FBXO4: variants seen among roughly 807,000 people sequenced by gnomAD.
The protein encoded by FBXO4 is F-box protein 4.
A neutral mutation model predicts 43.7 loss-of-function variants in FBXO4; 36 were observed. The observed-to-expected ratio is 0.82, with a 90% CI of 0.63 to 1.09. The LOEUF (loss-of-function observed/expected upper bound fraction) is 1.09, where lower values mean the gene tolerates loss of function less well. Ranked by LOEUF, FBXO4 falls within the 50% of genes least tolerant of loss-of-function variation. The pLI, the probability that FBXO4 is intolerant of heterozygous loss-of-function variation, is 0.00. For synonymous variants in FBXO4, 180 were observed against 165.6 expected (o/e 1.09, Z -0.67); for missense variants, 435 against 474.1 (o/e 0.92, Z 0.77).
At chr5:41,988,733 C>G in the FBXO4 span, among the ~76,000 whole-genome samples, 12 of 152,114 alleles carry the variant, frequency 7.9e-5, no homozygotes. Context: ...TCTCACTTCT[C>G]TTAGGATCTA....
Position 41,934,014 on chromosome 5 carries a change from A to G in FBXO4, c.715A>G (p.Thr239Ala). The change falls in exon 4 of 7, where the codon ACT becomes GCT. Residue 239 changes from threonine (T) to alanine (A), a missense_variant. By Grantham distance (58) the Thr-to-Ala change is moderately conservative (BLOSUM62 0). Transcript: ENST00000281623. ...HKFNILILYS[T>A]TRKERDRARE... Reference sequence around the variant, plus strand: ...ATTCAACATTCTAATCTTATATTCAACTACCAGGTAAGGCTACATACTTGG... The same window carrying G: ...ATTCAACATTCTAATCTTATATTCAGCTACCAGGTAAGGCTACATACTTGG... The G allele has an allele frequency of 6.2e-7, 1 of 1,613,770 alleles. No individual in the cohort carries two copies. The highest frequency in any genetic ancestry group is 1.1e-5 in the South Asian group (1 of 91,026).
At chr5:41,981,648 C>T in the FBXO4 span, among the ~76,000 whole-genome samples, 3 of 151,494 alleles carry the variant, frequency 2.0e-5, no homozygotes, top group Admixed American at 2.0e-4. Flanking sequence ...ACTGCTCAGC[C>T]TATGACATCC....
At chr5:41,993,334 AGTTACAT>A in the FBXO4 span, among the ~76,000 whole-genome samples, 3 of 152,148 alleles carry the variant, frequency 2.0e-5, no homozygotes, top group African/African-American at 4.8e-5. Flanking sequence ...GACAAATAAG[AGTTACAT>A]GTATTTAAAG....
intron 5 of FBXO4, among the ~76,000 whole-genome samples, chr5:41,938,335 C>T (rs1480525140): frequency 6.6e-6 from 1 of 151,992 alleles, no homozygotes; most frequent in African/African-American, 2.4e-5. Context: ...TATACTTCAA[C>T]AGCTACTAAA....
At chr5:41,939,374 T>TTTATTTTA in intron 5 of FBXO4, 67 bp from the exon 6 acceptor site, 1 of 1,416,826 alleles carries the variant, frequency 7.1e-7, no homozygotes, top group Non-Finnish European at 9.5e-7. Flanking sequence ...TTGTTAGTTT[T>TTTATTTTA]TTATTTTATT....
the FBXO4 span, among the ~76,000 whole-genome samples, chr5:41,958,166 G>A: frequency 7.6e-6 from 1 of 132,100 alleles, no homozygotes; most frequent in Non-Finnish European, 1.5e-5. Context: ...ACGGAGTCTC[G>A]CTCTGTCACC....
chr5:41,946,225 CAAAG>C, downstream of FBXO4, among the ~76,000 whole-genome samples: 1 of 152,294 alleles, frequency 6.6e-6, no homozygotes, highest in East Asian at 1.9e-4. Flanking sequence ...TGCCTGGGAA[CAAAG>C]AGAGAGCCCC....
intron 3 of FBXO4, among the ~76,000 whole-genome samples, chr5:41,932,243 A>G (rs921831644): frequency 1.3e-5 from 2 of 152,248 alleles, no homozygotes; most frequent in Non-Finnish European, 1.5e-5. Context: ...AAAGAAGGGC[A>G]GAACAGTATG....
At chr5:41,998,182 C>T in the FBXO4 span, among the ~76,000 whole-genome samples, 1 of 152,154 alleles carries the variant, frequency 6.6e-6, no homozygotes, top group Non-Finnish European at 1.5e-5. Context: ...CGATTGAGTG[C>T]CACCACTTGG....
At chr5:41,999,505 G>GTATATATATACACATATATATA in the FBXO4 span, among the ~76,000 whole-genome samples, 1 of 63,362 alleles carries the variant, frequency 1.6e-5, no homozygotes, top group African/African-American at 8.1e-5. Context: ...ATATATATAT[G>GTATATATATACACATATATATA]TGTATATATA....
chr5:41,980,463 A>G, the FBXO4 span, among the ~76,000 whole-genome samples: 1 of 152,168 alleles, frequency 6.6e-6, no homozygotes, highest in African/African-American at 2.4e-5. Flanking sequence ...GCACACTATC[A>G]CCAATTTATC....
chr5:42,016,243 C>T, the FBXO4 span, among the ~76,000 whole-genome samples: 1 of 152,174 alleles, frequency 6.6e-6, no homozygotes, highest in South Asian at 2.1e-4. Context: ...ACAGAGGTGG[C>T]ATGTTGCTCT....
At chr5:41,982,345 A>T in the FBXO4 span, among the ~76,000 whole-genome samples, 1 of 152,108 alleles carries the variant, frequency 6.6e-6, no homozygotes, top group Non-Finnish European at 1.5e-5. Flanking sequence ...ACAATGGTTG[A>T]ACTAGTTTAC....
At chr5:41,979,184 G>A in the FBXO4 span, among the ~76,000 whole-genome samples, 1 of 152,186 alleles carries the variant, frequency 6.6e-6, no homozygotes, top group Non-Finnish European at 1.5e-5. Context: ...GTGTGAATCT[G>A]CATAATACTG....
the FBXO4 span, among the ~76,000 whole-genome samples, chr5:42,015,307 C>G: frequency 2.0e-5 from 3 of 152,082 alleles, no homozygotes. Flanking sequence ...CACGCACATG[C>G]GCTTCAAACT....
At chr5:42,035,966 G>C in the FBXO4 span, among the ~76,000 whole-genome samples, 1 of 152,052 alleles carries the variant, frequency 6.6e-6, no homozygotes, top group Non-Finnish European at 1.5e-5. Flanking sequence ...GGTGACAGCA[G>C]TTCTACCCAC....
chr5:42,020,443 G>T, the FBXO4 span, among the ~76,000 whole-genome samples: 3 of 152,298 alleles, frequency 2.0e-5, no homozygotes, highest in Non-Finnish European at 4.4e-5. Flanking sequence ...AGGGTAACAT[G>T]ATAGAAACTG....
chr5:41,934,258 G>T lies in FBXO4; in HGVS notation c.848G>T (p.Cys283Phe), dbSNP rs1297967973. 2 of 1,614,162 alleles carry T rather than the reference G, an allele frequency of 1.2e-6. No individual in the cohort carries two copies. Residue 283 changes from cysteine to phenylalanine, a missense_variant, in exon 5 of 7, where the codon TGT becomes TTT. Cys to Phe is a radical substitution (Grantham distance 205, BLOSUM62 -2). Transcript: ENST00000281623. ...YSVIPQIQKV[C>F]EVVDGFIYVA... ...GTGATTCCACAGATTCAAAAAGTGT[G>T]TGAAGTTGTAGATGGGTTCATCTAT...
chr5:41,939,315 T>C, intron 5 of FBXO4, 126 bp from the exon 6 acceptor site: 2 of 803,538 alleles, frequency 2.5e-6, no homozygotes, highest in Non-Finnish European at 3.8e-6. Context: ...ACTGTGATTT[T>C]TTTCCCTCAG....
Sources: gnomAD v4.1 joint callset for allele counts (sites outside exome capture counted in the v4.1 genomes callset) on GRCh38, gnomAD v4.1.1 for gene constraint, MANE v1.5 for transcripts, NCBI Gene and HGNC (gene_info 2026-07-23, HGNC 2026-07-21) for gene names.